EDAR: variants seen among roughly 807,000 people sequenced by gnomAD.
EDAR encodes tumor necrosis factor receptor superfamily member EDAR.
In EDAR, 38 loss-of-function variants were observed where a neutral mutation model predicts 51.3. The observed-to-expected ratio is 0.74, with a 90% CI of 0.57 to 0.97. The LOEUF (loss-of-function observed/expected upper bound fraction) is 0.97. Among genes scored for constraint, EDAR ranks in the 50% least tolerant of loss-of-function variants. The pLI, the probability that EDAR is intolerant of heterozygous loss-of-function variation, is 0.00. For synonymous variants in EDAR, 227 were observed against 242.1 expected, an observed-to-expected ratio of 0.94 and a Z score of 0.58; for missense variants, 528 against 595.0, an observed-to-expected ratio of 0.89 and a Z score of 1.17.
At chr2:108,981,343 C>G (rs995969573) in intron 1 of EDAR, among the ~76,000 whole-genome samples, 1 of 152,220 alleles carries the variant, frequency 6.6e-6, no homozygotes, top group African/African-American at 2.4e-5. Context: ...CCACCAGGAC[C>G]AGTCCACCCC....
rs746044070 is a variant in EDAR, at chr2:108,910,831, C to T, written c.675G>A (p.Pro225=). 190 of 1,613,906 alleles carry T rather than the reference C, an allele frequency of 1.2e-4. 2 individuals carry two copies. The highest frequency in any genetic ancestry group is 2.2e-4 in the South Asian group (20 of 91,074). The change falls in exon 8 of 12, where the codon CCG becomes CCA. Residue 225 remains proline, a synonymous_variant. Coordinates refer to ENST00000258443, the MANE Select transcript of EDAR (RefSeq NM_022336.4). ...TCACTTGGGCCTCCACGCTCTTCCC[C>T]GGGTGGCTGGTGCAACAGGCTGGGG... The part of the protein sequence containing the change: ...PSAPACCTSH[P]GKSVEAQVSK...
chr2:108,938,968 C>CG (rs1697531870), intron 1 of EDAR, among the ~76,000 whole-genome samples: 1 of 151,852 alleles, frequency 6.6e-6, no homozygotes, highest in Non-Finnish European at 1.5e-5. Context: ...TTATTAGAGA[C>CG]GGGGTTTCAC....
In EDAR at chr2:108,907,648, C is replaced by G. The variant is rs78358832; in HGVS notation, c.963+212G>C. Among the ~76,000 whole-genome samples, 39 of 28,246 alleles carry G rather than the reference C, an allele frequency of 1.4e-3. 1 individual carries two copies. In the Admixed American group the frequency reaches 0.017, roughly 12 times the overall value. 18.5% of individuals were successfully genotyped at this position (28,246 alleles called of 152,430 possible). A position where few individuals can be genotyped will look rare whatever the true frequency, so the allele number is the denominator to read the frequency against. ...GGGTGACAGAGCAAGACTCTCATCT[C>G]CAAAAAAAAAAAACAAAACTCAAAA... On this transcript the variant is annotated intron_variant, in intron 10 of 11. Transcript: ENST00000258443.
rs537034873 is a variant in EDAR at position 108,931,107 on chromosome 2, C to A, written c.-18-75G>T. ...GGGGTCTGGCTACCTTTATTTAACC[C>A]CACTGGATATAAGGTGCCTTCCAGC... On this transcript the variant is annotated intron_variant, in intron 1 of 11. Coordinates refer to ENST00000258443, the MANE Select transcript of EDAR (RefSeq NM_022336.4). The A allele has an allele frequency of 4.1e-6, 5 of 1,215,714 alleles. No homozygotes were observed. The Admixed American group carries it at 8.6e-5, about 21-fold the overall frequency. The allele number at this position is 1,215,714 out of a possible 1,614,324, so 75.3% of individuals were successfully genotyped here. A position where few individuals can be genotyped will look rare whatever the true frequency, so the allele number is the denominator to read the frequency against.
At chr2:108,973,690 C>T (rs1050481858) in intron 1 of EDAR, among the ~76,000 whole-genome samples, 7 of 152,152 alleles carry the variant, frequency 4.6e-5, no homozygotes, top group Middle Eastern at 3.2e-3. Context: ...ACATGGTGAC[C>T]GCTGCCTGTT....
At chr2:108,986,381 A>AG (rs1698500973) in intron 1 of EDAR, among the ~76,000 whole-genome samples, 1 of 152,090 alleles carries the variant, frequency 6.6e-6, no homozygotes, top group African/African-American at 2.4e-5. Context: ...AAGATACAGG[A>AG]GGGGGAGTGT....
intron 11 of EDAR, among the ~76,000 whole-genome samples, chr2:108,903,342 C>G (rs1290226459): frequency 6.6e-6 from 1 of 151,850 alleles, no homozygotes; most frequent in Admixed American, 6.6e-5. Flanking sequence ...TTTGTTGCAA[C>G]TCATTAAAAT....
At chr2:108,973,116 A>G (rs1698264617) in intron 1 of EDAR, among the ~76,000 whole-genome samples, 1 of 152,090 alleles carries the variant, frequency 6.6e-6, no homozygotes, top group South Asian at 2.1e-4. Flanking sequence ...CCTCCCCATT[A>G]GCTGGGATTA....
At chr2:108,983,233 G>A (rs1197938555) in intron 1 of EDAR, among the ~76,000 whole-genome samples, 1 of 152,158 alleles carries the variant, frequency 6.6e-6, no homozygotes, top group Non-Finnish European at 1.5e-5. Context: ...ATTATGGACA[G>A]GAGGCTTTAG....
At chr2:108,985,081 C>T (rs1024872294) in intron 1 of EDAR, among the ~76,000 whole-genome samples, 2 of 152,186 alleles carry the variant, frequency 1.3e-5, no homozygotes, top group African/African-American at 4.8e-5. Context: ...AAAGTGCTTT[C>T]TCTCAGGATT....
At chr2:108,987,060 G>A (rs1393983572) in intron 1 of EDAR, among the ~76,000 whole-genome samples, 1 of 152,214 alleles carries the variant, frequency 6.6e-6, no homozygotes, top group Non-Finnish European at 1.5e-5. Flanking sequence ...AGGAGGGTGA[G>A]GGGAAACTGA....
intron 1 of EDAR, among the ~76,000 whole-genome samples, chr2:108,955,930 G>T (rs1697915275): frequency 1.3e-5 from 2 of 151,598 alleles, no homozygotes; most frequent in South Asian, 4.2e-4. Context: ...TCGGGAGGCT[G>T]AGGCAGAAGA....
intron 1 of EDAR, among the ~76,000 whole-genome samples, chr2:108,932,679 T>C (rs1697393569): frequency 6.6e-6 from 1 of 152,100 alleles, no homozygotes; most frequent in Non-Finnish European, 1.5e-5. Context: ...AATCTTCTTT[T>C]CCAAATCCCC....
At chr2:108,944,553 G>A (rs763599282) in intron 1 of EDAR, among the ~76,000 whole-genome samples, 9 of 152,150 alleles carry the variant, frequency 5.9e-5, no homozygotes, top group Non-Finnish European at 1.0e-4. Flanking sequence ...CTCCTGGATT[G>A]ATAATGGGCT....
intron 1 of EDAR, among the ~76,000 whole-genome samples, chr2:108,979,422 GTC>G (rs367972961): frequency 0.23 from 9,338 of 41,500 alleles, 771 homozygotes; most frequent in African/African-American, 0.37. Flanking sequence ...TTTGGTTGCT[GTC>G]TCTCTCTCTC....
At position 108,897,120 on chromosome 2, in the gene EDAR, G is replaced by A. The variant is rs1286827572; in HGVS notation, c.1134C>T (p.Ala378=). Residue 378 remains alanine, a synonymous_variant, in exon 12 of 12, where the codon GCC becomes GCT. Coordinates refer to ENST00000258443, the MANE Select transcript of EDAR (RefSeq NM_022336.4). The part of the protein sequence containing the change: ...KAVVKTWRHL[A]ESFGLKRDEI... ...CATCCCTCTTCAGGCCGAAGCTCTC[G>A]GCGAGGTGGCGCCACGTTTTCACAA... 22 of 1,613,960 alleles carry A rather than the reference G, an allele frequency of 1.4e-5. No individual in the cohort carries two copies. Among genetic ancestry groups the A allele is most frequent in the African/African-American group, 9.3e-5 (7 of 74,986 alleles).
intron 1 of EDAR, among the ~76,000 whole-genome samples, chr2:108,986,345 T>C (rs892973065): frequency 1.3e-5 from 2 of 152,196 alleles, no homozygotes; most frequent in African/African-American, 4.8e-5. Flanking sequence ...TGAGTGTGTC[T>C]GGGGCTGACA....
chr2:108,906,181 A>T, intron 11 of EDAR, 127 bp downstream of exon 11: 1 of 943,880 alleles, frequency 1.1e-6, no homozygotes, highest in Non-Finnish European at 1.7e-6. Flanking sequence ...GGCCATTCTG[A>T]CCAAAGTGCG....
chr2:108,900,727 A>T (rs1696684512), intron 11 of EDAR, among the ~76,000 whole-genome samples: 1 of 152,210 alleles, frequency 6.6e-6, no homozygotes, highest in East Asian at 1.9e-4. Context: ...AATACATATC[A>T]TGCAAACTTC....
Sources: gnomAD v4.1 joint callset for allele counts (sites outside exome capture counted in the v4.1 genomes callset) on GRCh38, gnomAD v4.1.1 for gene constraint, MANE v1.5 for transcripts, NCBI Gene and HGNC (gene_info 2026-07-23, HGNC 2026-07-21) for gene names.